ADAMTS6: variants seen among roughly 807,000 people sequenced by gnomAD.
The protein encoded by ADAMTS6 is A disintegrin and metalloproteinase with thrombospondin motifs 6.
In ADAMTS6, 23 loss-of-function variants were observed where a neutral mutation model predicts 144.3. That is an observed-to-expected ratio of 0.16 (90% CI 0.11 to 0.23). The LOEUF (loss-of-function observed/expected upper bound fraction) is 0.23. ADAMTS6 is among the 10% of genes least tolerant of loss of function. ADAMTS6 has a pLI of 1.00. For synonymous variants in ADAMTS6, 444 were observed against 457.5 expected, an observed-to-expected ratio of 0.97 and a Z score of 0.38; for missense variants, 999 against 1,379.6, an observed-to-expected ratio of 0.72 and a Z score of 4.37.
intron 14 of ADAMTS6, among the ~76,000 whole-genome samples, chr5:65,252,763 C>T (rs2112550344): frequency 6.6e-6 from 1 of 152,166 alleles, no homozygotes; most frequent in Admixed American, 6.6e-5. Context: ...ATGAGAGGAT[C>T]AAGACTACTA....
At chr5:65,239,201 G>A (rs1390190028) in intron 15 of ADAMTS6, among the ~76,000 whole-genome samples, 7 of 150,846 alleles carry the variant, frequency 4.6e-5, no homozygotes, top group African/African-American at 1.7e-4. Context: ...CACCAACATG[G>A]CACACGTATA....
intron 7 of ADAMTS6, among the ~76,000 whole-genome samples, chr5:65,382,160 T>G (rs1752101971): frequency 6.6e-6 from 1 of 152,236 alleles, no homozygotes; most frequent in African/African-American, 2.4e-5. Flanking sequence ...ACTCCGTAAC[T>G]CTTGGATTTT....
intron 11 of ADAMTS6, among the ~76,000 whole-genome samples, chr5:65,275,407 GAAAGAAAGAAAAGAAAGAA>G (rs1257128593): frequency 8.3e-6 from 1 of 119,912 alleles, no homozygotes; most frequent in Non-Finnish European, 1.8e-5. Flanking sequence ...AAGAAAGAAA[GAAAGAAAGAAAAGAAAGAA>G]AGAAAGAAAA....
chr5:65,460,264 A>G lies in ADAMTS6; in HGVS notation c.537T>C (p.His179=), dbSNP rs141544433. ...PLKNTTEDSK[H]FSYENGHPHV... is the part of the protein sequence containing the mutation. ...GAGGGTGGCCATTTTCATAACTAAA[A>G]TGCTTGGAATCCTCTGTGGTATTCT... The change falls in exon 4 of 25, where the codon CAT becomes CAC. Residue 179 remains histidine, a synonymous_variant. Coordinates refer to ENST00000381055, the MANE Select transcript of ADAMTS6 (RefSeq NM_197941.4). The G allele has an allele frequency of 6.2e-7, 1 of 1,614,110 alleles. No homozygotes were observed. The highest frequency in any genetic ancestry group is 2.2e-5 in the East Asian group (1 of 44,872).
chr5:65,338,557 A>G lies in ADAMTS6; in HGVS notation c.1074-4472T>C, dbSNP rs1747523065. Reference sequence around the variant, plus strand: ...GCGTTACCTTCCACCACCAGCAGACATGCCCCCAGGGCAGCCAAGCAGCCT... The same window carrying G: ...GCGTTACCTTCCACCACCAGCAGACGTGCCCCCAGGGCAGCCAAGCAGCCT... On this transcript the variant is annotated intron_variant, in intron 7 of 24. Coordinates refer to ENST00000381055, the MANE Select transcript of ADAMTS6 (RefSeq NM_197941.4). 3.9e-5 allele frequency among the ~76,000 whole-genome samples: 6 copies of G among 152,340 alleles called. 1 individual carries two copies. The South Asian group carries it at 1.2e-3, about 32-fold the overall frequency.
rs1308050239 is a variant in ADAMTS6 at position 65,215,327 on chromosome 5, G to T, written c.2433C>A (p.Val811=). ...ALGPTSENLI[V]MVLLQEQNLG... Reference sequence around the variant, plus strand: ...ACAATGGCAAAGACGCATTTACCATGACGATGAGATTTTCTGAGGTAGGAC... The same window carrying T: ...ACAATGGCAAAGACGCATTTACCATTACGATGAGATTTTCTGAGGTAGGAC... The change falls in exon 19 of 25, where the codon GTC becomes GTA. Residue 811 remains valine, a synonymous_variant. Coordinates refer to ENST00000381055, the MANE Select transcript of ADAMTS6 (RefSeq NM_197941.4). 6.2e-7 allele frequency: 1 copy of T among 1,613,200 alleles called. No individual in the cohort carries two copies. Among genetic ancestry groups the T allele is most frequent in the Non-Finnish European group, 8.5e-7 (1 of 1,179,698 alleles).
intron 9 of ADAMTS6, among the ~76,000 whole-genome samples, chr5:65,325,736 C>T (rs1390365023): frequency 6.6e-6 from 1 of 152,130 alleles, no homozygotes; most frequent in Non-Finnish European, 1.5e-5. Context: ...TCAAGCAATC[C>T]TCCACCTTGG....
At chr5:65,206,861 CA>C (rs1756137811) in intron 20 of ADAMTS6, among the ~76,000 whole-genome samples, 1 of 142,044 alleles carries the variant, frequency 7.0e-6, no homozygotes, top group Non-Finnish European at 1.5e-5. Flanking sequence ...CACACACACA[CA>C]CACACAAATA....
chr5:65,460,249 A>G lies in ADAMTS6; in HGVS notation c.552T>C (p.Asn184=), dbSNP rs768930296. Residue 184 remains asparagine (N), a synonymous_variant, in exon 4 of 25, where the codon AAT becomes AAC. Coordinates refer to ENST00000381055, the MANE Select transcript of ADAMTS6 (RefSeq NM_197941.4). ...TEDSKHFSYE[N]GHPHVIYKKS... The stretch of plus-strand genomic sequence containing the variant: ...TTTTGTAAATAACATGAGGGTGGCC[A>G]TTTTCATAACTAAAATGCTTGGAAT... The G allele has an allele frequency of 1.6e-5, 26 of 1,613,978 alleles. No homozygotes were observed. In the South Asian group the frequency reaches 2.6e-4, roughly 16 times the overall value.
At chr5:65,193,608 G>C (rs1397244566) in intron 21 of ADAMTS6, among the ~76,000 whole-genome samples, 2 of 152,008 alleles carry the variant, frequency 1.3e-5, no homozygotes, top group African/African-American at 2.4e-5. Context: ...CAGGAAAATG[G>C]CATTCTCATA....
intron 7 of ADAMTS6, among the ~76,000 whole-genome samples, chr5:65,421,578 G>C (rs1222370318): frequency 6.6e-6 from 1 of 152,080 alleles, no homozygotes; most frequent in Non-Finnish European, 1.5e-5. Context: ...ATATTACCCA[G>C]CTTCAAATTA....
chr5:65,401,444 A>T (rs1046884000), intron 7 of ADAMTS6, among the ~76,000 whole-genome samples: 2 of 152,120 alleles, frequency 1.3e-5, no homozygotes, highest in Non-Finnish European at 2.9e-5. Context: ...TCCCAGATAG[A>T]TCCCTTTCCC....
intron 9 of ADAMTS6, among the ~76,000 whole-genome samples, chr5:65,311,895 G>A (rs540370461): frequency 6.6e-5 from 10 of 152,098 alleles, no homozygotes; most frequent in Admixed American, 2.0e-4. Flanking sequence ...AAAATGCCTC[G>A]TTAAATTTTT....
At chr5:65,439,224 G>A (rs1227308304) in intron 7 of ADAMTS6, among the ~76,000 whole-genome samples, 3 of 152,036 alleles carry the variant, frequency 2.0e-5, no homozygotes, top group African/African-American at 4.8e-5. Flanking sequence ...AAAGAATAAC[G>A]AGAGTTAGAA....
intron 9 of ADAMTS6, among the ~76,000 whole-genome samples, chr5:65,323,446 A>C (rs535884667): frequency 4.4e-4 from 67 of 151,892 alleles, no homozygotes; most frequent in African/African-American, 1.9e-4. Context: ...AGGACATGAA[A>C]TCATCATTTT....
At chr5:65,216,470 G>GT (rs902917027) in intron 18 of ADAMTS6, among the ~76,000 whole-genome samples, 3 of 151,818 alleles carry the variant, frequency 2.0e-5, no homozygotes, top group African/African-American at 7.3e-5. Context: ...ATGGATATGG[G>GT]TTTTTTTCTG....
chr5:65,314,269 T>A (rs1020649629), intron 9 of ADAMTS6, among the ~76,000 whole-genome samples: 3 of 151,988 alleles, frequency 2.0e-5, no homozygotes, highest in Non-Finnish European at 4.4e-5. Context: ...ACCAGTGAAC[T>A]TGATAATAGG....
intron 9 of ADAMTS6, among the ~76,000 whole-genome samples, chr5:65,313,577 T>C (rs1380693569): frequency 6.6e-6 from 1 of 152,066 alleles, no homozygotes; most frequent in Non-Finnish European, 1.5e-5. Flanking sequence ...CAATATGTTC[T>C]AATCTGAAAA....
chr5:65,253,483 C>A (rs1296870141), intron 14 of ADAMTS6, among the ~76,000 whole-genome samples: 1 of 152,096 alleles, frequency 6.6e-6, no homozygotes, highest in East Asian at 1.9e-4. Context: ...TTAATTTTAA[C>A]TAGTTGGAAA....
Sources: gnomAD v4.1 joint callset for allele counts (sites outside exome capture counted in the v4.1 genomes callset) on GRCh38, gnomAD v4.1.1 for gene constraint, MANE v1.5 for transcripts, NCBI Gene and HGNC (gene_info 2026-07-23, HGNC 2026-07-21) for gene names.